STPG2: variants seen among roughly 807,000 people sequenced by gnomAD.
STPG2 encodes the protein sperm-tail PG-rich repeat-containing protein 2.
In STPG2, 56 loss-of-function variants were observed where a neutral mutation model predicts 54.2. The observed-to-expected ratio is 1.03, with a 90% CI of 0.83 to 1.29. STPG2 has a LOEUF of 1.29. STPG2 is among the 50% of genes most tolerant of loss of function. The pLI is 0.00. For synonymous variants in STPG2, 200 were observed against 181.8 expected (o/e 1.10, Z -0.81); for missense variants, 596 against 544.9 (o/e 1.09, Z -0.93).
chr4:98,138,408 T>C (rs1034759032), intron 1 of STPG2, among the ~76,000 whole-genome samples: 2 of 152,034 alleles, frequency 1.3e-5, no homozygotes, highest in African/African-American at 2.4e-5. Context: ...GTTTGGGATA[T>C]ATTGAGTTTG....
At chr4:97,682,204 T>C (rs990275489) in intron 10 of STPG2, among the ~76,000 whole-genome samples, 1 of 151,672 alleles carries the variant, frequency 6.6e-6, no homozygotes, top group Non-Finnish European at 1.5e-5. Flanking sequence ...CCTCAAAAAA[T>C]ATGTCATTTA....
At chr4:97,987,474 A>C (rs997785446) in intron 5 of STPG2, among the ~76,000 whole-genome samples, 4 of 152,190 alleles carry the variant, frequency 2.6e-5, no homozygotes, top group Admixed American at 6.5e-5. Flanking sequence ...TTTTAACTAG[A>C]TACTTTATAA....
chr4:97,871,175 C>T (rs1729974919), intron 8 of STPG2, among the ~76,000 whole-genome samples: 1 of 150,658 alleles, frequency 6.6e-6, no homozygotes, highest in South Asian at 2.1e-4. Flanking sequence ...TGATTAAAGT[C>T]TTAAAAACTC....
intron 4 of STPG2, among the ~76,000 whole-genome samples, chr4:97,536,454 T>A (rs1296851126): frequency 3.3e-5 from 5 of 152,164 alleles, no homozygotes; most frequent in Non-Finnish European, 7.4e-5. Context: ...GTGAAGAAGG[T>A]ACTTGCTTCT....
intron 9 of STPG2, among the ~76,000 whole-genome samples, chr4:97,829,196 C>T (rs1368851608): frequency 6.6e-6 from 1 of 152,160 alleles, no homozygotes; most frequent in Non-Finnish European, 1.5e-5. Context: ...AATATCTTTG[C>T]TGTTCTGCCA....
At chr4:97,485,591 T>A (rs573906494) in intron 4 of STPG2, among the ~76,000 whole-genome samples, 1 of 151,958 alleles carries the variant, frequency 6.6e-6, no homozygotes, top group Non-Finnish European at 1.5e-5. Flanking sequence ...CCCATGCTCA[T>A]GGATGGATAG....
chr4:98,013,245 G>A (rs1228808900), intron 5 of STPG2, among the ~76,000 whole-genome samples: 10 of 152,160 alleles, frequency 6.6e-5, no homozygotes, highest in Admixed American at 6.5e-4. Flanking sequence ...TTATGTGATG[G>A]ATTACATTTA....
chr4:97,869,196 C>T (rs1321438359), intron 8 of STPG2, among the ~76,000 whole-genome samples: 1 of 151,618 alleles, frequency 6.6e-6, no homozygotes, highest in Non-Finnish European at 1.5e-5. Flanking sequence ...ATATTATTTT[C>T]AAGAATTTAA....
At chr4:97,795,907 T>C (rs1727157879) in intron 9 of STPG2, among the ~76,000 whole-genome samples, 1 of 152,208 alleles carries the variant, frequency 6.6e-6, no homozygotes, top group Non-Finnish European at 1.5e-5. Context: ...TGGTGTGAGA[T>C]GATATCTCAT....
intron 10 of STPG2, among the ~76,000 whole-genome samples, chr4:97,656,754 A>T (rs1454779475): frequency 6.6e-6 from 1 of 151,392 alleles, no homozygotes; most frequent in African/African-American, 2.4e-5. Context: ...TTATGGAAAT[A>T]TTTAATGAGA....
chr4:97,619,897 C>T (rs1381935161), intron 10 of STPG2, among the ~76,000 whole-genome samples: 1 of 150,770 alleles, frequency 6.6e-6, no homozygotes, highest in Non-Finnish European at 1.5e-5. Flanking sequence ...AATCTCGGCT[C>T]ACTGCAAGCT....
At chr4:97,542,868 G>GC (rs1731749803) in intron 4 of STPG2, among the ~76,000 whole-genome samples, 1 of 151,920 alleles carries the variant, frequency 6.6e-6, no homozygotes, top group African/African-American at 2.4e-5. Context: ...ACTAAAGGAA[G>GC]CAAGAACAAA....
rs899773269 is a variant in STPG2 at position 97,952,622 on chromosome 4, C to G, written c.934-8615G>C. Among the ~76,000 whole-genome samples the G allele has an allele frequency of 1.1e-4, 17 of 152,174 alleles. No individual in the cohort carries two copies. In the South Asian group the frequency reaches 2.7e-3, roughly 24 times the overall value. ...GTCTGCAAGGGATCCACTGATGTAA[C>G]AGTTCCTCAAGTCTCCCAGCATCAG... On this transcript the variant is annotated intron_variant, in intron 7 of 10. Transcript: ENST00000295268.
intron 10 of STPG2, among the ~76,000 whole-genome samples, chr4:97,578,156 G>A (rs1732771200): frequency 6.8e-6 from 1 of 146,154 alleles, no homozygotes; most frequent in South Asian, 2.2e-4. Context: ...CCAGACTGGA[G>A]TGCAGTGCTG....
chr4:97,727,250 A>G (rs1004013176), intron 9 of STPG2, among the ~76,000 whole-genome samples: 3 of 151,906 alleles, frequency 2.0e-5, no homozygotes, highest in African/African-American at 7.2e-5. Context: ...TGTCTATCTC[A>G]TGATTCCATA....
chr4:97,532,021 ATTAAAAG>A (rs1731426833), intron 4 of STPG2, among the ~76,000 whole-genome samples: 1 of 152,200 alleles, frequency 6.6e-6, no homozygotes, highest in African/African-American at 2.4e-5. Context: ...AAAAATACAA[ATTAAAAG>A]TTAAAAAAGA....
rs1322372354 is a variant in STPG2, at chr4:98,104,237, A to G, written c.612+1716T>C. 1.3e-5 allele frequency among the ~76,000 whole-genome samples: 2 copies of G among 152,230 alleles called. 1 individual carries two copies. The highest frequency in any genetic ancestry group is 4.8e-5 in the African/African-American group (2 of 41,456). ...AGGAGAAACTACCATTTAGCATTTT[A>G]TAAGCCAAAAAATTTGGAATTTAGG... On this transcript the variant is annotated intron_variant, in intron 5 of 10. Coordinates refer to ENST00000295268, the MANE Select transcript of STPG2 (RefSeq NM_174952.3).
intron 8 of STPG2, among the ~76,000 whole-genome samples, chr4:97,898,279 C>G (rs1489113254): frequency 6.7e-6 from 1 of 148,922 alleles, no homozygotes; most frequent in Non-Finnish European, 1.5e-5. Context: ...CTTTTGTATC[C>G]TTTGCATTTT....
intron 9 of STPG2, among the ~76,000 whole-genome samples, chr4:97,840,286 G>C (rs995028324): frequency 6.6e-6 from 1 of 151,448 alleles, no homozygotes; most frequent in Admixed American, 6.6e-5. Context: ...CATGTTATGA[G>C]TTCTGTTTTT....
Sources: allele counts gnomAD v4.1 joint callset (sites outside exome capture counted in the v4.1 genomes callset), GRCh38; gene constraint gnomAD v4.1.1; transcripts MANE v1.5; gene names NCBI Gene and HGNC (gene_info 2026-07-23, HGNC 2026-07-21).